Variants in ATF7IP2 observed in about 807,000 individuals in gnomAD.
ATF7IP2 encodes the protein activating transcription factor 7 interacting protein 2.
In ATF7IP2, 42 loss-of-function variants were observed where a neutral mutation model predicts 64.2. The observed-to-expected ratio is 0.65, with a 90% confidence interval of 0.51 to 0.85. The LOEUF is 0.85. Among genes scored for constraint, ATF7IP2 ranks in the 40% least tolerant of loss-of-function variants. The probability of loss-of-function intolerance (pLI) is 0.00; values close to 1 mark genes in which losing one functional copy is unlikely to be tolerated. For synonymous variants in ATF7IP2, 308 were observed against 272.8 expected (o/e 1.13, Z -1.27); for missense variants, 933 against 784.2 (o/e 1.19, Z -2.27).
chr16:10,412,012 T>TGG, intron 1 of ATF7IP2, among the ~76,000 whole-genome samples: 1 of 79,824 alleles, frequency 1.3e-5, no homozygotes, highest in South Asian at 4.0e-4. Context: ...CTTTTTTTGT[T>TGG]TTTTTTTTTT....
intron 2 of ATF7IP2, among the ~76,000 whole-genome samples, chr16:10,417,998 A>G (rs2047913127): frequency 6.6e-6 from 1 of 152,222 alleles, no homozygotes; most frequent in Admixed American, 6.5e-5. Flanking sequence ...AATTAAAGAC[A>G]CACACACAGA....
At chr16:10,436,504 A>T (rs1277596609) in intron 6 of ATF7IP2, among the ~76,000 whole-genome samples, 1 of 152,174 alleles carries the variant, frequency 6.6e-6, no homozygotes, top group African/African-American at 2.4e-5. Context: ...AAGAAATGTT[A>T]GTGAAGCATT....
intron 1 of ATF7IP2, among the ~76,000 whole-genome samples, chr16:10,401,330 G>A (rs2047530687): frequency 6.6e-6 from 1 of 151,754 alleles, no homozygotes; most frequent in South Asian, 2.1e-4. Flanking sequence ...ACCATGCCTG[G>A]CTCATTTTTT....
chr16:10,413,960 A>G (rs1266782703), intron 1 of ATF7IP2, among the ~76,000 whole-genome samples: 1 of 152,148 alleles, frequency 6.6e-6, no homozygotes, highest in East Asian at 1.9e-4. Context: ...ACAGCTCATA[A>G]GATAGGTTTT....
chr16:10,471,408 A>T (rs1352141145), intron 9 of ATF7IP2, among the ~76,000 whole-genome samples: 1 of 152,096 alleles, frequency 6.6e-6, no homozygotes, highest in East Asian at 1.9e-4. Context: ...TATGCTTGTA[A>T]TCCCAGCTAC....
At chr16:10,416,747 A>G (rs1056192783) in intron 2 of ATF7IP2, among the ~76,000 whole-genome samples, 4 of 152,194 alleles carry the variant, frequency 2.6e-5, no homozygotes, top group Admixed American at 2.0e-4. Context: ...CATTGAGCCA[A>G]GATCACACCA....
intron 1 of ATF7IP2, among the ~76,000 whole-genome samples, chr16:10,409,924 T>C (rs1386350374): frequency 6.6e-6 from 1 of 152,246 alleles, no homozygotes; most frequent in African/African-American, 2.4e-5. Flanking sequence ...TCCTGTTCCA[T>C]TGGTCTTTGT....
chr16:10,436,193 C>G (rs1056668176), intron 6 of ATF7IP2, among the ~76,000 whole-genome samples: 1 of 152,120 alleles, frequency 6.6e-6, no homozygotes, highest in East Asian at 1.9e-4. Flanking sequence ...GAAACCCTGT[C>G]TCGGCTAAAA....
chr16:10,401,350 A>G (rs1368827207), intron 1 of ATF7IP2, among the ~76,000 whole-genome samples: 3 of 151,632 alleles, frequency 2.0e-5, no homozygotes, highest in African/African-American at 7.3e-5. Context: ...TTGTATTTTT[A>G]GTAAAGACAG....
At chr16:10,422,628 T>G (rs1215465156) in intron 3 of ATF7IP2, among the ~76,000 whole-genome samples, 4 of 152,218 alleles carry the variant, frequency 2.6e-5, no homozygotes, top group Admixed American at 2.6e-4. Flanking sequence ...GGACAGCCAG[T>G]GCTGTAGAGA....
In ATF7IP2 at chr16:10,442,353, C is replaced by T. The variant is rs372083964; in HGVS notation, c.1194+1891C>T. Among the ~76,000 whole-genome samples, 3 of 152,260 alleles carry T rather than the reference C, an allele frequency of 2.0e-5. No homozygotes were observed. In the South Asian group the frequency reaches 6.2e-4, roughly 32 times the overall value. The stretch of plus-strand genomic sequence containing the variant: ...AACATGTCTTGACTTTGCTGTTCTT[C>T]TTGATTTTCTAGCAGTAAAAGCTTG... On this transcript the variant is annotated intron_variant, in intron 8 of 13. Transcript: ENST00000562102.
intron 1 of ATF7IP2, among the ~76,000 whole-genome samples, chr16:10,406,580 T>C (rs995350290): frequency 6.6e-6 from 1 of 152,112 alleles, no homozygotes; most frequent in Non-Finnish European, 1.5e-5. Flanking sequence ...ATGCAGACTA[T>C]GAAAAAGAAC....
intron 8 of ATF7IP2, chr16:10,445,547 C>G (rs1167061020): frequency 6.6e-6 from 1 of 152,094 alleles, no homozygotes; most frequent in African/African-American, 2.4e-5. Context: ...TCTTGTTGCC[C>G]AGGCTGGAGT....
intron 5 of ATF7IP2, among the ~76,000 whole-genome samples, chr16:10,432,274 T>A (rs2141883396): frequency 6.6e-6 from 1 of 152,264 alleles, no homozygotes; most frequent in East Asian, 1.9e-4. Context: ...GGTTATAACA[T>A]CATTAAAATA....
intron 1 of ATF7IP2, among the ~76,000 whole-genome samples, chr16:10,409,650 C>T (rs772652779): frequency 6.6e-6 from 1 of 152,186 alleles, no homozygotes; most frequent in Non-Finnish European, 1.5e-5. Context: ...CGATCTCGAT[C>T]TCCTGACCTC....
intron 8 of ATF7IP2, chr16:10,449,775 T>TTTTG (rs551203688): frequency 5.9e-5 from 9 of 152,164 alleles, no homozygotes; most frequent in East Asian, 1.9e-4. Context: ...TCATTGATTT[T>TTTTG]TTTGTTTGTT....
At position 10,433,608 on chromosome 16, in the gene ATF7IP2, A is replaced by G. The variant is rs753791558; in HGVS notation, c.919A>G (p.Ile307Val). ...AACTTCAGAGCAAATTAATGAAAAT[A>G]TTTGTGTAAGTTTGGAAAGGCAAAC... ...MKTSEQINEN[I>V]CVSLERQTAF... Residue 307 changes from isoleucine to valine, a missense_variant, in exon 6 of 14, where the codon ATT (isoleucine) becomes GTT (valine). Ile to Val is a conservative substitution (Grantham distance 29). Transcript: ENST00000562102. 43 of 1,613,768 alleles carry G rather than the reference A, an allele frequency of 2.7e-5. No homozygotes were observed. Among genetic ancestry groups the G allele is most frequent in the Non-Finnish European group, 2.3e-5 (27 of 1,179,766 alleles).
At chr16:10,419,903 G>T (rs2047958859) in intron 3 of ATF7IP2, among the ~76,000 whole-genome samples, 1 of 152,182 alleles carries the variant, frequency 6.6e-6, no homozygotes, top group Non-Finnish European at 1.5e-5. Context: ...TTCTGCTTCT[G>T]CCTTTGCAGC....
chr16:10,471,708 T>C (rs2049806591), intron 9 of ATF7IP2, among the ~76,000 whole-genome samples: 2 of 152,232 alleles, frequency 1.3e-5, no homozygotes, highest in Middle Eastern at 3.2e-3. Flanking sequence ...TATAGTTTTC[T>C]ACCTTTAGGA....
Sources: allele counts gnomAD v4.1 joint callset (sites outside exome capture counted in the v4.1 genomes callset), GRCh38; gene constraint gnomAD v4.1.1; transcripts MANE v1.5; gene names NCBI Gene and HGNC (gene_info 2026-07-23, HGNC 2026-07-21).